The following TRABD2B variants were observed in gnomAD, a reference collection of about 807,000 sequenced individuals.
TRABD2B encodes metalloprotease TIKI2.
Under a neutral mutation model 40.1 loss-of-function variants are expected in TRABD2B, and 14 were observed. The observed-to-expected ratio is 0.35, with a 90% CI of 0.23 to 0.55. TRABD2B has a LOEUF of 0.55. Among genes scored for constraint, TRABD2B ranks in the 20% least tolerant of loss-of-function variants. TRABD2B has a pLI of 0.90. For missense variants in TRABD2B, 541 were observed against 648.6 expected (o/e 0.83, Z 1.80); for synonymous variants, 263 against 277.0 (o/e 0.95, Z 0.50).
intron 2 of TRABD2B, among the ~76,000 whole-genome samples, chr1:47,985,781 T>A (rs1271907805): frequency 6.6e-6 from 1 of 152,224 alleles, no homozygotes; most frequent in Non-Finnish European, 1.5e-5. Flanking sequence ...ATCCATCCAA[T>A]CTGATGACCA....
chr1:47,837,985 G>A (rs1218401880), intron 2 of TRABD2B, among the ~76,000 whole-genome samples: 1 of 152,314 alleles, frequency 6.6e-6, no homozygotes, highest in Non-Finnish European at 1.5e-5. Flanking sequence ...ATCTCAGGGC[G>A]AAGTCCAGCC....
chr1:47,984,774 A>G (rs887946231), intron 2 of TRABD2B, among the ~76,000 whole-genome samples: 1 of 152,042 alleles, frequency 6.6e-6, no homozygotes, highest in Non-Finnish European at 1.5e-5. Context: ...CTCAGGGCCA[A>G]GGAAGCTGTG....
At position 47,865,983 on chromosome 1, in the gene TRABD2B, G is replaced by T. The variant is rs1211165258; in HGVS notation, c.667-64364C>A. Reference sequence around the variant, plus strand: ...TTCATCTATAAAGGGAGAGACTCAGGACTGCTTTAAGGATTAAAGTCTGAA... The same window carrying T: ...TTCATCTATAAAGGGAGAGACTCAGTACTGCTTTAAGGATTAAAGTCTGAA... On this transcript the variant is annotated intron_variant, in intron 2 of 6. Coordinates refer to ENST00000606738, the MANE Select transcript of TRABD2B (RefSeq NM_001194986.2). Among the ~76,000 whole-genome samples the T allele has an allele frequency of 2.6e-5, 4 of 152,168 alleles. No homozygotes were observed. In the East Asian group the frequency reaches 7.8e-4, roughly 30 times the overall value.
intron 2 of TRABD2B, among the ~76,000 whole-genome samples, chr1:47,825,992 G>T (rs1481000681): frequency 2.6e-5 from 4 of 152,196 alleles, no homozygotes; most frequent in African/African-American, 4.8e-5. Flanking sequence ...TGGAGACCAG[G>T]TCTGTTTCCT....
chr1:47,814,937 C>T (rs1031532384), intron 2 of TRABD2B, among the ~76,000 whole-genome samples: 20 of 152,182 alleles, frequency 1.3e-4, no homozygotes, highest in Non-Finnish European at 2.4e-4. Context: ...CTGCAAGAGA[C>T]GGTCAGGCGA....
chr1:47,934,517 C>T (rs565689067), intron 2 of TRABD2B, among the ~76,000 whole-genome samples: 2 of 152,380 alleles, frequency 1.3e-5, no homozygotes, highest in South Asian at 4.1e-4. Flanking sequence ...CCAGAGCCTG[C>T]TAGCATTCTG....
intron 2 of TRABD2B, among the ~76,000 whole-genome samples, chr1:47,963,544 A>G (rs1247307143): frequency 6.6e-6 from 1 of 152,242 alleles, no homozygotes; most frequent in Non-Finnish European, 1.5e-5. Flanking sequence ...TTTGAAGGTC[A>G]GGGAAATGGA....
chr1:47,781,235 T>C (rs926360196), intron 4 of TRABD2B, among the ~76,000 whole-genome samples: 3 of 152,212 alleles, frequency 2.0e-5, no homozygotes, highest in Non-Finnish European at 4.4e-5. Flanking sequence ...TTCTGCCTCC[T>C]TGGAGACCTG....
chr1:47,868,957 C>T (rs1228160399), intron 2 of TRABD2B, among the ~76,000 whole-genome samples: 2 of 152,218 alleles, frequency 1.3e-5, no homozygotes, highest in Non-Finnish European at 2.9e-5. Context: ...TGGGTCCTCA[C>T]TCTGGACTCT....
chr1:47,922,376 G>T (rs952178751), intron 2 of TRABD2B, among the ~76,000 whole-genome samples: 1 of 152,192 alleles, frequency 6.6e-6, no homozygotes, highest in South Asian at 2.1e-4. Flanking sequence ...GGAATCACTG[G>T]GGCCAGGTCA....
intron 2 of TRABD2B, among the ~76,000 whole-genome samples, chr1:47,859,246 T>C (rs1643931445): frequency 6.6e-6 from 1 of 152,146 alleles, no homozygotes; most frequent in African/African-American, 2.4e-5. Context: ...CTCTAACCCA[T>C]CTGGCCTGCT....
Position 47,813,645 on chromosome 1 carries a change from C to A in TRABD2B, c.667-12026G>T, listed in dbSNP as rs1415327464. On this transcript the variant is annotated intron_variant, in intron 2 of 6. Transcript: ENST00000606738. This position sits in a 1 kb window ranked among gnomAD's most constrained non-coding sequence, Gnocchi z 4.3. ...ATTTGTCCTGCCTGCTTGAGACTAG[C>A]ATTCTAAAAACCTTGTAAAGCAATA... Among the ~76,000 whole-genome samples the A allele has an allele frequency of 1.3e-5, 2 of 152,148 alleles. No individual in the cohort carries two copies. Among genetic ancestry groups the A allele is most frequent in the African/African-American group, 2.4e-5 (1 of 41,416 alleles).
chr1:47,850,704 C>CGGGA (rs1645537887), intron 2 of TRABD2B, among the ~76,000 whole-genome samples: 1 of 152,134 alleles, frequency 6.6e-6, no homozygotes, highest in South Asian at 2.1e-4. Context: ...GAAGTGCAGA[C>CGGGA]GGGAGGGAGG....
In TRABD2B at chr1:47,900,804, A is replaced by T. The variant is rs1019481237; in HGVS notation, c.666+93230T>A. 2.0e-5 allele frequency among the ~76,000 whole-genome samples: 3 copies of T among 152,186 alleles called. 1 individual carries two copies. Among genetic ancestry groups the T allele is most frequent in the African/African-American group, 7.2e-5 (3 of 41,438 alleles). ...GATTTTGGGTTCAGTCTGAGACCAC[A>T]GGACAGCATTTTTGTCTTGGTAAAA... On this transcript the variant is annotated intron_variant, in intron 2 of 6. Transcript: ENST00000606738.
At chr1:47,888,816 G>T (rs571918398) in intron 2 of TRABD2B, among the ~76,000 whole-genome samples, 14 of 152,274 alleles carry the variant, frequency 9.2e-5, no homozygotes, top group Admixed American at 9.2e-4. Flanking sequence ...TTCTGCCCAT[G>T]AGAGAGCTTC....
intron 2 of TRABD2B, among the ~76,000 whole-genome samples, chr1:47,920,624 G>T (rs1427246870): frequency 1.3e-5 from 2 of 152,202 alleles, no homozygotes; most frequent in African/African-American, 4.8e-5. Flanking sequence ...GCCAAGATGT[G>T]CAGTCAAAAC....
chr1:47,946,374 G>GT (rs1645260216), intron 2 of TRABD2B, among the ~76,000 whole-genome samples: 1 of 151,998 alleles, frequency 6.6e-6, no homozygotes, highest in African/African-American at 2.4e-5. Flanking sequence ...TTGCTTGTAG[G>GT]TTTTTTGTAA....
intron 2 of TRABD2B, among the ~76,000 whole-genome samples, chr1:47,817,641 C>A (rs1449072717): frequency 6.6e-6 from 1 of 152,182 alleles, no homozygotes; most frequent in Non-Finnish European, 1.5e-5. Flanking sequence ...GAGGCTTCAT[C>A]TCTGCTGGGG....
chr1:47,882,233 T>C (rs1443975857), intron 2 of TRABD2B, among the ~76,000 whole-genome samples: 2 of 152,220 alleles, frequency 1.3e-5, no homozygotes, highest in Non-Finnish European at 2.9e-5. Context: ...TCCTGCCTCA[T>C]GCTCCCCATG....
Sources: gnomAD v4.1 joint callset for allele counts (sites outside exome capture counted in the v4.1 genomes callset) on GRCh38, gnomAD v4.1.1 for gene constraint, Gnocchi (gnomAD v3.1) non-coding constraint, MANE v1.5 for transcripts, NCBI Gene and HGNC (gene_info 2026-07-23, HGNC 2026-07-21) for gene names.